The following CAPZB variants were observed in gnomAD, a reference collection of about 807,000 sequenced individuals.
The protein encoded by CAPZB is capping actin protein of muscle Z-line subunit beta.
Under a neutral mutation model 38.1 loss-of-function variants are expected in CAPZB, and 2 were observed. That is an observed-to-expected ratio of 0.05 (90% CI 0.02 to 0.17). CAPZB has a LOEUF of 0.17. Ranked by LOEUF, CAPZB falls within the 10% of genes least tolerant of loss-of-function variation. The pLI is 1.00. For missense variants in CAPZB, 161 were observed against 334.2 expected (o/e 0.48, Z 4.04); for synonymous variants, 107 against 127.4 (o/e 0.84, Z 1.08).
intron 1 of CAPZB, among the ~76,000 whole-genome samples, chr1:19,436,458 CTTT>C (rs1196771053): frequency 6.6e-6 from 1 of 152,104 alleles, no homozygotes; most frequent in African/African-American, 2.4e-5. Context: ...AAAAGGGCTT[CTTT>C]AAGTGCAATT....
rs540853683 is a variant in CAPZB, at chr1:19,408,509, T to C, written c.93+11152A>G. Among the ~76,000 whole-genome samples the C allele has an allele frequency of 1.6e-4, 25 of 152,324 alleles. No homozygotes were observed. In the East Asian group the frequency reaches 3.5e-3, roughly 21 times the overall value. On this transcript the variant is annotated intron_variant, in intron 2 of 8. Coordinates refer to ENST00000264202, the MANE Select transcript of CAPZB (RefSeq NM_004930.5). ...GGGACAAAGACTGTGGGCTGGAGTA[T>C]CTGCTGGAGGCCCCTGCCGGCTCTG... is the stretch of plus-strand genomic sequence containing the variant.
At chr1:19,393,853 C>A (rs1202959718) in intron 2 of CAPZB, among the ~76,000 whole-genome samples, 1 of 152,202 alleles carries the variant, frequency 6.6e-6, no homozygotes, top group Non-Finnish European at 1.5e-5. Flanking sequence ...GGACTCCTGG[C>A]GTGTGGGCAG....
chr1:19,360,023 G>A (rs937551241), intron 4 of CAPZB, among the ~76,000 whole-genome samples: 2 of 152,176 alleles, frequency 1.3e-5, no homozygotes, highest in Non-Finnish European at 2.9e-5. Flanking sequence ...ACACAGAGTT[G>A]GAGAGATCAG....
chr1:19,382,124 T>A (rs10917436), intron 3 of CAPZB, among the ~76,000 whole-genome samples: 54,221 of 152,038 alleles, frequency 0.36, 9,800 homozygotes, highest in African/African-American at 0.41. Flanking sequence ...CAAGGCACCC[T>A]GATTAGACAC....
At chr1:19,470,467 A>G (rs2094583312) in intron 1 of CAPZB, among the ~76,000 whole-genome samples, 1 of 152,194 alleles carries the variant, frequency 6.6e-6, no homozygotes, top group Non-Finnish European at 1.5e-5. Context: ...ACAATGTCCT[A>G]TTTGGAAAAT....
intron 4 of CAPZB, among the ~76,000 whole-genome samples, chr1:19,369,291 C>A (rs1456338907): frequency 6.6e-6 from 1 of 152,036 alleles, no homozygotes; most frequent in Non-Finnish European, 1.5e-5. Context: ...TAGCAGACAC[C>A]CCCACTAGGA....
rs1045388693 is a variant in CAPZB, at chr1:19,484,087, A to G, written c.3+1349T>C. 11 of 1,246,768 alleles carry G rather than the reference A, an allele frequency of 8.8e-6. No individual in the cohort carries two copies. The East Asian group carries it at 2.6e-4, about 29-fold the overall frequency. 77.2% of individuals were successfully genotyped at this position (1,246,768 alleles called of 1,614,324 possible). On this transcript the variant is annotated intron_variant, in intron 1 of 8. Transcript: ENST00000264202. ...AGGGCAGGTCTATCTGTGGGGGCCT[A>G]TGTGAAACCCCAGGTTCCTCAAAAG...
intron 1 of CAPZB, among the ~76,000 whole-genome samples, chr1:19,440,730 GAC>G (rs1193376239): frequency 6.6e-6 from 1 of 152,190 alleles, no homozygotes; most frequent in Non-Finnish European, 1.5e-5. Context: ...TCATCCTGAA[GAC>G]AGACTATTAC....
At chr1:19,408,926 A>G (rs2094345410) in intron 2 of CAPZB, among the ~76,000 whole-genome samples, 1 of 152,230 alleles carries the variant, frequency 6.6e-6, no homozygotes, top group Admixed American at 6.5e-5. Context: ...ATTTGCACAA[A>G]TAGATAAATA....
intron 8 of CAPZB, among the ~76,000 whole-genome samples, chr1:19,340,286 T>C (rs1207092483): frequency 6.6e-6 from 1 of 152,190 alleles, no homozygotes; most frequent in Non-Finnish European, 1.5e-5. Flanking sequence ...CCATCCGCTG[T>C]TAACTTGGCC....
At chr1:19,367,258 A>T (rs1444141943) in intron 4 of CAPZB, among the ~76,000 whole-genome samples, 1 of 152,252 alleles carries the variant, frequency 6.6e-6, no homozygotes, top group Non-Finnish European at 1.5e-5. Context: ...AAGCATGAGG[A>T]GATATAAGGA....
chr1:19,399,778 A>G (rs987102773), intron 2 of CAPZB, among the ~76,000 whole-genome samples: 1 of 152,106 alleles, frequency 6.6e-6, no homozygotes, highest in African/African-American at 2.4e-5. Flanking sequence ...ATGTTTGAAA[A>G]CCACTAGATG....
At chr1:19,374,796 GCCTGAACCCATCTGCCAA>G (rs1271864213) in intron 4 of CAPZB, among the ~76,000 whole-genome samples, 1 of 152,218 alleles carries the variant, frequency 6.6e-6, no homozygotes, top group Non-Finnish European at 1.5e-5. Flanking sequence ...AATGACCCTT[GCCTGAACCCATCTGCCAA>G]CCTGAACAGA....
chr1:19,442,265 C>T (rs941159036), intron 1 of CAPZB, among the ~76,000 whole-genome samples: 1 of 152,132 alleles, frequency 6.6e-6, no homozygotes, highest in African/African-American at 2.4e-5. Flanking sequence ...TAGAATCTGG[C>T]TTTCAGAATG....
chr1:19,482,136 C>A (rs1414854203), intron 1 of CAPZB, among the ~76,000 whole-genome samples: 5 of 152,184 alleles, frequency 3.3e-5, no homozygotes, highest in African/African-American at 4.8e-5. Flanking sequence ...TGTTCCCCAC[C>A]TCATGGAATG....
intron 6 of CAPZB, 56 bp from the exon 7 acceptor site, chr1:19,345,308 C>T (rs1454325327): frequency 4.3e-6 from 6 of 1,387,252 alleles, no homozygotes; most frequent in Non-Finnish European, 5.1e-6. Flanking sequence ...CTGAGAACGG[C>T]AGACAGCCCA....
intron 4 of CAPZB, among the ~76,000 whole-genome samples, chr1:19,370,350 A>G (rs1292091527): frequency 6.6e-6 from 1 of 152,206 alleles, no homozygotes; most frequent in African/African-American, 2.4e-5. Flanking sequence ...CCTCGGGGCC[A>G]AGGGTTATTG....
chr1:19,396,951 C>CA (rs1279474942), intron 2 of CAPZB, among the ~76,000 whole-genome samples: 4 of 150,474 alleles, frequency 2.7e-5, no homozygotes, highest in African/African-American at 9.8e-5. Flanking sequence ...GACTCTGTCT[C>CA]AAAAAATTAA....
At chr1:19,345,132 G>A (rs764393884) in intron 7 of CAPZB, 55 bp downstream of exon 7, 3 of 1,336,922 alleles carry the variant, frequency 2.2e-6, no homozygotes, top group Non-Finnish European at 3.2e-6. Flanking sequence ...CTCCGGGGCT[G>A]CAGTGTCACT....
Sources: allele counts gnomAD v4.1 joint callset (sites outside exome capture counted in the v4.1 genomes callset), GRCh38; gene constraint gnomAD v4.1.1; transcripts MANE v1.5; gene names NCBI Gene and HGNC (gene_info 2026-07-23, HGNC 2026-07-21).